Variants in XIRP2 observed in about 807,000 individuals in gnomAD.
XIRP2 encodes xin actin-binding repeat-containing protein 2.
In XIRP2, 236 loss-of-function variants were observed where a neutral mutation model predicts 277.0. That is an observed-to-expected ratio of 0.85 (90% CI 0.77 to 0.95). XIRP2 has a LOEUF of 0.95. XIRP2 is among the 40% of genes least tolerant of loss of function. The pLI is 0.00. For missense variants in XIRP2, 4,640 were observed against 4,157.5 expected, an observed-to-expected ratio of 1.12 and a Z score of -3.19; for synonymous variants, 1,490 against 1,416.5, an observed-to-expected ratio of 1.05 and a Z score of -1.17.
intron 2 of XIRP2, among the ~76,000 whole-genome samples, chr2:167,129,396 T>C (rs1443957691): frequency 6.6e-6 from 1 of 152,142 alleles, no homozygotes. Context: ...TATAAAGCAG[T>C]AGGGCAACCT....
chr2:167,240,755 T>C lies in XIRP2; in HGVS notation c.1042+19T>C. ...GAAACTGGTAAGAGTCTGGTATTATTGGTTCCAATACTCCTTTCTCCTATT... is the reference window on the plus strand; with the variant it reads ...GAAACTGGTAAGAGTCTGGTATTATCGGTTCCAATACTCCTTTCTCCTATT... On this transcript the variant is annotated intron_variant, in intron 7 of 10. Transcript: ENST00000409195. The C allele has an allele frequency of 3.7e-6, 6 of 1,601,880 alleles. No homozygotes were observed. Among genetic ancestry groups the C allele is most frequent in the Non-Finnish European group, 5.1e-6 (6 of 1,168,892 alleles).
intron 2 of XIRP2, among the ~76,000 whole-genome samples, chr2:167,017,606 G>A (rs958104220): frequency 1.3e-5 from 2 of 151,962 alleles, no homozygotes; most frequent in Admixed American, 1.3e-4. Context: ...AGTAGGAAAG[G>A]CACAAAGGAC....
Position 167,258,707 on chromosome 2 carries a change from T to G in XIRP2, c.*890T>G, listed in dbSNP as rs371056200. 1.3e-5 allele frequency: 21 copies of G among 1,613,268 alleles called. No homozygotes were observed. In the African/African-American group the frequency reaches 2.1e-4, roughly 16 times the overall value. On this transcript the variant is annotated 3_prime_UTR_variant, in exon 11 of 11. Coordinates refer to ENST00000409195, the MANE Select transcript of XIRP2 (RefSeq NM_152381.6). ...TGTAGCAGTCTCATATCTGAATAAT[T>G]GCAGGCAGAAGACATCTATTTTAGA...
At chr2:167,009,670 C>G (rs977708669) in intron 2 of XIRP2, among the ~76,000 whole-genome samples, 8 of 152,138 alleles carry the variant, frequency 5.3e-5, no homozygotes, top group Non-Finnish European at 1.0e-4. Flanking sequence ...AACTAGTTTA[C>G]AGTCCCACCA....
intron 5 of XIRP2, among the ~76,000 whole-genome samples, chr2:167,227,080 G>T (rs1185436556): frequency 6.6e-6 from 1 of 152,062 alleles, no homozygotes; most frequent in African/African-American, 2.4e-5. Flanking sequence ...CAAACATAAG[G>T]CAGGATTTGC....
Position 167,135,959 on chromosome 2 carries a change from TG to T in XIRP2, c.462del (p.Ser155AlafsTer7), listed in dbSNP as rs757142944. 586 of 1,611,340 alleles carry T rather than the reference TG, an allele frequency of 3.6e-4. 1 individual carries two copies. The highest frequency in any genetic ancestry group is 4.2e-4 in the Non-Finnish European group (500 of 1,178,812). On this transcript the variant is annotated frameshift_variant, in exon 3 of 11. Coordinates refer to ENST00000409195, the MANE Select transcript of XIRP2 (RefSeq NM_152381.6). LOFTEE classifies it high-confidence loss of function. ...LCSPAFKSHP[G>X]SQLEDSVKDS... is the part of the protein sequence containing the mutation. ...GCTCGCCAGCTTTTAAGAGTCACCC[TG>T]GGAGCCAGCTGGAGGATTCTGTGAA... is the stretch of plus-strand genomic sequence containing the variant.
chr2:167,018,934 T>A (rs1406289772), intron 2 of XIRP2, among the ~76,000 whole-genome samples: 2 of 152,022 alleles, frequency 1.3e-5, no homozygotes, highest in Non-Finnish European at 2.9e-5. Context: ...TGTGAGCACC[T>A]GGAAGGCAGG....
At chr2:166,908,941 A>G (rs1281683491) in intron 2 of XIRP2, among the ~76,000 whole-genome samples, 2 of 151,996 alleles carry the variant, frequency 1.3e-5, no homozygotes, top group Admixed American at 6.5e-5. Flanking sequence ...GTGTGCTATT[A>G]TTTCTGAGGG....
intron 2 of XIRP2, among the ~76,000 whole-genome samples, chr2:166,951,130 C>T (rs1686020148): frequency 2.0e-5 from 3 of 152,036 alleles, no homozygotes; most frequent in African/African-American, 7.2e-5. Flanking sequence ...TATTACTGCA[C>T]AGTTTTAAAC....
chr2:167,031,463 C>T (rs199663503), intron 2 of XIRP2, among the ~76,000 whole-genome samples: 5 of 151,866 alleles, frequency 3.3e-5, no homozygotes, highest in Admixed American at 1.3e-4. Flanking sequence ...AGCTTAGTTT[C>T]GCTGGATATG....
chr2:167,088,393 CCACTTAAAGT>C lies in XIRP2; in HGVS notation c.409-47508_409-47499del, dbSNP rs1162758942. ...ATGTTTCCACACCACTGCCACTGACCCACTTAAAGTCACTTAATCTCTCTCCTGGACAGCT... is the reference window on the plus strand; with the variant it reads ...ATGTTTCCACACCACTGCCACTGACCCACTTAATCTCTCTCCTGGACAGCT... On this transcript the variant is annotated intron_variant, in intron 2 of 10. Transcript: ENST00000409195. Among the ~76,000 whole-genome samples, 3 of 152,198 alleles carry C rather than the reference CCACTTAAAGT, an allele frequency of 2.0e-5. No homozygotes were observed. In the East Asian group the frequency reaches 5.8e-4, roughly 29 times the overall value.
intron 2 of XIRP2, among the ~76,000 whole-genome samples, chr2:166,972,929 T>G (rs898552949): frequency 6.6e-6 from 1 of 152,222 alleles, no homozygotes; most frequent in Admixed American, 6.5e-5. Flanking sequence ...ATCTTAGTAA[T>G]GCTTTCTAAA....
intron 2 of XIRP2, among the ~76,000 whole-genome samples, chr2:166,963,857 TA>T (rs558438503): frequency 4.9e-4 from 74 of 151,822 alleles, no homozygotes; most frequent in African/African-American, 1.7e-3. Flanking sequence ...GGCTTTTAAG[TA>T]GAGGAAGTTT....
At chr2:167,159,407 A>C (rs944482467) in intron 3 of XIRP2, among the ~76,000 whole-genome samples, 3 of 152,250 alleles carry the variant, frequency 2.0e-5, no homozygotes, top group African/African-American at 7.2e-5. Flanking sequence ...ATTTAGATGT[A>C]GTATATCCTT....
At chr2:166,979,063 T>C (rs1035893475) in intron 2 of XIRP2, among the ~76,000 whole-genome samples, 70 of 152,334 alleles carry the variant, frequency 4.6e-4, no homozygotes, top group African/African-American at 1.7e-3. Flanking sequence ...GTTGATATCA[T>C]AGGAATTTCT....
At chr2:166,985,808 G>GA (rs553699889) in intron 2 of XIRP2, among the ~76,000 whole-genome samples, 179 of 150,200 alleles carry the variant, frequency 1.2e-3, no homozygotes, top group Non-Finnish European at 2.2e-3. Context: ...ACCCAGCTCT[G>GA]AAAAAAAAAC....
chr2:167,172,791 A>G (rs1255006916), intron 3 of XIRP2, among the ~76,000 whole-genome samples: 1 of 152,184 alleles, frequency 6.6e-6, no homozygotes, highest in Non-Finnish European at 1.5e-5. Flanking sequence ...TGTGCAGTTA[A>G]TGCAATCATC....
intron 2 of XIRP2, among the ~76,000 whole-genome samples, chr2:167,003,787 T>G (rs1336221989): frequency 6.6e-6 from 1 of 151,922 alleles, no homozygotes; most frequent in African/African-American, 2.4e-5. Flanking sequence ...TGCCAATAAC[T>G]CCAGCTGATG....
intron 3 of XIRP2, among the ~76,000 whole-genome samples, chr2:167,148,403 AAAAG>A (rs146482113): frequency 0.027 from 3,320 of 122,356 alleles, 58 homozygotes; most frequent in East Asian, 0.05. Flanking sequence ...GAAAGAAAGA[AAAAG>A]AAAGAAAGAG....
Sources: gnomAD v4.1 joint callset for allele counts (sites outside exome capture counted in the v4.1 genomes callset) on GRCh38, gnomAD v4.1.1 for gene constraint, MANE v1.5 for transcripts, NCBI Gene and HGNC (gene_info 2026-07-23, HGNC 2026-07-21) for gene names.